The following ABLIM1 variants were observed in gnomAD, a reference collection of about 807,000 sequenced individuals.
ABLIM1 encodes the protein actin binding LIM protein 1, also known as actin-binding LIM protein 1.
ABLIM1 carries 40 observed loss-of-function variants against 107.0 expected under a neutral mutation model. That is an observed-to-expected ratio of 0.37 (90% confidence interval 0.29 to 0.49). The LOEUF (loss-of-function observed/expected upper bound fraction) is 0.49, where lower values mean the gene tolerates loss of function less well. Ranked by LOEUF, ABLIM1 falls within the 20% of genes least tolerant of loss-of-function variation. ABLIM1 has a pLI of 0.97. For synonymous variants in ABLIM1, 357 were observed against 357.3 expected, an observed-to-expected ratio of 1.00 and a Z score of 0.01; for missense variants, 857 against 1,008.5, an observed-to-expected ratio of 0.85 and a Z score of 2.04.
intron 1 of ABLIM1, among the ~76,000 whole-genome samples, chr10:114,732,520 T>C (rs938110218): frequency 5.3e-5 from 8 of 152,166 alleles, no homozygotes; most frequent in Non-Finnish European, 1.2e-4. Flanking sequence ...TTCTGTAGGT[T>C]GCAATTTTGC....
intron 1 of ABLIM1, among the ~76,000 whole-genome samples, chr10:114,712,353 G>GAAA (rs10583793): frequency 6.8e-5 from 3 of 44,092 alleles, no homozygotes; most frequent in Admixed American, 3.7e-4. Context: ...ACTCCGTCTC[G>GAAA]AAAAAAAAAA....
upstream of ABLIM1, among the ~76,000 whole-genome samples, chr10:114,685,185 C>T (rs554666094): frequency 3.7e-4 from 56 of 152,142 alleles, no homozygotes; most frequent in African/African-American, 1.2e-3. Context: ...TTTTGAACAC[C>T]GGGAATTTTG....
intron 8 of ABLIM1, among the ~76,000 whole-genome samples, chr10:114,487,285 T>C (rs750495860): frequency 1.3e-5 from 2 of 152,214 alleles, no homozygotes; most frequent in Non-Finnish European, 2.9e-5. Flanking sequence ...CCCAAGGCAC[T>C]GGGATTCATT....
intron 17 of ABLIM1, 32 bp downstream of exon 17, chr10:114,443,997 G>A (rs200635576): frequency 1.7e-5 from 27 of 1,565,688 alleles, no homozygotes; most frequent in Non-Finnish European, 2.1e-5. Flanking sequence ...GCTGGCTCTC[G>A]AATCAGGGAA....
chr10:114,610,752 T>A (rs191632553), intron 1 of ABLIM1: 1 of 152,328 alleles, frequency 6.6e-6, no homozygotes, highest in African/African-American at 2.4e-5. Flanking sequence ...CATTTTCTTA[T>A]ACCATGTGAG....
In ABLIM1 at chr10:114,621,096, C is replaced by T. The variant is rs190818065; in HGVS notation, c.245-19135G>A. Among the ~76,000 whole-genome samples the T allele has an allele frequency of 6.6e-4, 101 of 152,344 alleles. 1 individual carries two copies. The highest frequency in any genetic ancestry group is 3.7e-4 in the Non-Finnish European group (25 of 68,038). On this transcript the variant is annotated intron_variant, in intron 1 of 22. Transcript: ENST00000533213. Reference sequence around the variant, plus strand: ...TGCATCTCCTCAGACAGGAGGCATACTTTATTGCTTCTGTTTTACCCACTT... The same window carrying T: ...TGCATCTCCTCAGACAGGAGGCATATTTTATTGCTTCTGTTTTACCCACTT...
the ABLIM1 span, among the ~76,000 whole-genome samples, chr10:114,795,225 G>GC: frequency 6.6e-6 from 1 of 152,190 alleles, no homozygotes; most frequent in African/African-American, 2.4e-5. Flanking sequence ...GACACAAAGT[G>GC]CCTTTCTGGC....
intron 8 of ABLIM1, among the ~76,000 whole-genome samples, chr10:114,477,175 T>G (rs1349481823): frequency 6.6e-6 from 1 of 152,186 alleles, no homozygotes; most frequent in Admixed American, 6.5e-5. Flanking sequence ...GCAGGGCAAA[T>G]GTGATCATTT....
chr10:114,697,815 C>A (rs915330552), intron 1 of ABLIM1, among the ~76,000 whole-genome samples: 3 of 152,290 alleles, frequency 2.0e-5, no homozygotes, highest in South Asian at 4.1e-4. Context: ...AAAATTATAT[C>A]ATCTTCCTTA....
chr10:114,545,237 T>G, intron 5 of ABLIM1, 139 bp from the exon 6 acceptor site: 1 of 761,240 alleles, frequency 1.3e-6, no homozygotes. Context: ...TGCCTGGCAA[T>G]CCAGTCAGAC....
At chr10:114,444,380 T>A (rs1298227687) in intron 16 of ABLIM1, among the ~76,000 whole-genome samples, 1 of 152,102 alleles carries the variant, frequency 6.6e-6, no homozygotes, top group Non-Finnish European at 1.5e-5. Flanking sequence ...TAGAAGAACG[T>A]TTTCCTTCCT....
rs112956703 is a variant in ABLIM1 at position 114,461,294 on chromosome 10, T to C, written c.1441+4404A>G. Among the ~76,000 whole-genome samples the C allele has an allele frequency of 7.7e-3, 1,171 of 152,042 alleles. 16 individuals carry two copies. Among genetic ancestry groups the C allele is most frequent in the African/African-American group, 0.027 (1,122 of 41,478 alleles). On this transcript the variant is annotated intron_variant, in intron 12 of 22. Transcript: ENST00000533213. ...GTTGCCCAAGCTGGTCTTGAACTCC[T>C]GGGCTCAAGCAATCTGCCCACCTCA...
chr10:114,458,906 G>C (rs371247370), intron 12 of ABLIM1, among the ~76,000 whole-genome samples: 1 of 152,154 alleles, frequency 6.6e-6, no homozygotes, highest in African/African-American at 2.4e-5. Flanking sequence ...TGTCCAAATG[G>C]CCCAAAGATA....
rs1244499379 is a variant in ABLIM1 at position 114,435,502 on chromosome 10, G to A, written c.*758C>T. 1.3e-5 allele frequency: 2 copies of A among 152,228 alleles called. No homozygotes were observed. Among genetic ancestry groups the A allele is most frequent in the South Asian group, 2.1e-4 (1 of 4,830 alleles). 9.4% of individuals were successfully genotyped at this position (152,228 alleles called of 1,614,324 possible). ...AGACAGCTCCTGTCCTAGGCGGGGA[G>A]CAGGAACCAGACCTGCTATGGGAAG... is the stretch of plus-strand genomic sequence containing the variant. On this transcript the variant is annotated 3_prime_UTR_variant, in exon 23 of 23. Transcript: ENST00000533213.
intron 10 of ABLIM1, among the ~76,000 whole-genome samples, chr10:114,470,421 C>CAAAA (rs10608392): frequency 2.3e-5 from 2 of 88,884 alleles, no homozygotes; most frequent in Non-Finnish European, 4.4e-5. Flanking sequence ...GACTCCACCT[C>CAAAA]AAAAAAAAAA....
At chr10:114,704,302 C>CTCTCTATA (rs1380460034) in intron 1 of ABLIM1, among the ~76,000 whole-genome samples, 16 of 43,086 alleles carry the variant, frequency 3.7e-4, no homozygotes, top group African/African-American at 1.3e-3. Context: ...CTCTCTCTCT[C>CTCTCTATA]TATATATATA....
At chr10:114,541,906 AC>A (rs2066705333) in intron 6 of ABLIM1, among the ~76,000 whole-genome samples, 1 of 151,610 alleles carries the variant, frequency 6.6e-6, no homozygotes, top group African/African-American at 2.4e-5. Context: ...ATCAACACAC[AC>A]ACACACACAC....
chr10:114,591,770 C>T (rs1381373369), intron 2 of ABLIM1, among the ~76,000 whole-genome samples: 1 of 93,802 alleles, frequency 1.1e-5, no homozygotes, highest in Non-Finnish European at 2.3e-5. Flanking sequence ...AGAAGTATTT[C>T]AAACTTTGGA....
chr10:114,731,300 C>T (rs894555593), intron 1 of ABLIM1, among the ~76,000 whole-genome samples: 15 of 151,752 alleles, frequency 9.9e-5, no homozygotes, highest in Non-Finnish European at 1.9e-4. Context: ...GCCACCACAC[C>T]CAGATAATTT....
Sources: gnomAD v4.1 joint callset for allele counts (sites outside exome capture counted in the v4.1 genomes callset) on GRCh38, gnomAD v4.1.1 for gene constraint, MANE v1.5 for transcripts, NCBI Gene and HGNC (gene_info 2026-07-23, HGNC 2026-07-21) for gene names.